The following WFDC11 variants were observed in gnomAD, a reference collection of about 807,000 sequenced individuals.
The protein encoded by WFDC11 is protein WFDC11.
In WFDC11, 9 loss-of-function variants were observed where a neutral mutation model predicts 9.9. The observed-to-expected ratio is 0.91, with a 90% confidence interval of 0.55 to 1.58. The LOEUF is 1.58. Ranked by LOEUF, WFDC11 falls within the 40% of genes most tolerant of loss-of-function variation. The pLI, the probability that WFDC11 is intolerant of heterozygous loss-of-function variation, is 0.00. For synonymous variants in WFDC11, 32 were observed against 33.3 expected (o/e 0.96, Z 0.13); for missense variants, 106 against 101.7 (o/e 1.04, Z -0.18).
intron 2 of WFDC11, among the ~76,000 whole-genome samples, chr20:45,656,623 G>A (rs13042799): frequency 0.18 from 27,005 of 149,096 alleles, 2,677 homozygotes; most frequent in East Asian, 0.31. Context: ...GCACAGCAAA[G>A]GAAACTACCA....
At chr20:45,665,518 G>C (rs538959701) in intron 2 of WFDC11, among the ~76,000 whole-genome samples, 1 of 152,304 alleles carries the variant, frequency 6.6e-6, no homozygotes, top group South Asian at 2.1e-4. Flanking sequence ...AGAATTTTAA[G>C]CTTTTCTGCT....
At chr20:45,661,328 G>T (rs369133467) in intron 2 of WFDC11, among the ~76,000 whole-genome samples, 47 of 152,194 alleles carry the variant, frequency 3.1e-4, no homozygotes, top group South Asian at 1.5e-3. Flanking sequence ...CCCTTTGTCA[G>T]ATGAGTAGGT....
intron 2 of WFDC11, among the ~76,000 whole-genome samples, chr20:45,655,734 G>A (rs1982915293): frequency 6.6e-6 from 1 of 152,168 alleles, no homozygotes; most frequent in African/African-American, 2.4e-5. Flanking sequence ...CTTCAGCAAA[G>A]TTTCAGAATA....
At chr20:45,648,886 G>A (rs1982740838) in intron 4 of WFDC11, 147 bp from the exon 5 acceptor site, 2 of 908,892 alleles carry the variant, frequency 2.2e-6, no homozygotes, top group Non-Finnish European at 3.4e-6. Context: ...CTTCTGAGTA[G>A]GTGAGGTATT....
rs145944208 is a variant in WFDC11, at chr20:45,662,133, C to T, written c.-52+4955G>A. Among the ~76,000 whole-genome samples the T allele has an allele frequency of 3.6e-3, 546 of 152,204 alleles. 1 individual carries two copies. The highest frequency in any genetic ancestry group is 0.012 in the African/African-American group (507 of 41,498). ...TGGTTCTCCTTGAAGAGGTCCTTCA[C>T]GTCCCTTGTAAGTTGGATACCTAGG... On this transcript the variant is annotated intron_variant, in intron 2 of 4. Coordinates refer to ENST00000324384, the MANE Select transcript of WFDC11 (RefSeq NM_147197.2).
chr20:45,661,899 G>A (rs1267610304), intron 2 of WFDC11, among the ~76,000 whole-genome samples: 11 of 152,012 alleles, frequency 7.2e-5, no homozygotes, highest in Non-Finnish European at 1.3e-4. Flanking sequence ...TTGGTGATGC[G>A]GGCTCTTTTT....
intron 2 of WFDC11, among the ~76,000 whole-genome samples, chr20:45,650,947 T>C (rs186464120): frequency 6.6e-6 from 1 of 152,346 alleles, no homozygotes; most frequent in East Asian, 1.9e-4. Flanking sequence ...TTGGGGTACA[T>C]GTGAAGGTTT....
intron 3 of WFDC11, 102 bp from the exon 4 acceptor site, chr20:45,649,501 C>T: frequency 1.4e-6 from 2 of 1,434,098 alleles, no homozygotes; most frequent in Non-Finnish European, 1.9e-6. Context: ...GAATCTGGGC[C>T]CCAAATTCCA....
At chr20:45,665,416 G>C (rs150301884) in intron 2 of WFDC11, among the ~76,000 whole-genome samples, 1,791 of 152,230 alleles carry the variant, frequency 0.012, 32 homozygotes, top group African/African-American at 0.039. Flanking sequence ...GCCTACTTCT[G>C]TCAACTCATC....
At position 45,649,144 on chromosome 20, in the gene WFDC11, T is replaced by C. The variant is rs1982747134; in HGVS notation, c.243+113A>G. On this transcript the variant is annotated intron_variant, in intron 4 of 4. Transcript: ENST00000324384. ...GTTAAAGGGACATTGTCTTCTGTTATTTTTGTACCTAGAATTTGGGGTACC... is the reference window on the plus strand; with the variant it reads ...GTTAAAGGGACATTGTCTTCTGTTACTTTTGTACCTAGAATTTGGGGTACC... 1.5e-6 allele frequency: 2 copies of C among 1,312,648 alleles called. 1 individual carries two copies. The highest frequency in any genetic ancestry group is 2.8e-5 in the South Asian group (2 of 71,568). The allele number at this position is 1,312,648 out of a possible 1,614,324, so 81.3% of individuals were successfully genotyped here.
chr20:45,649,450 G>A (rs1276344006), intron 3 of WFDC11, 51 bp from the exon 4 acceptor site: 2 of 1,595,800 alleles, frequency 1.3e-6, no homozygotes, highest in Non-Finnish European at 1.7e-6. Context: ...TCAGCCAAGA[G>A]CGGAAAGAAA....
chr20:45,665,634 A>G (rs1489863429), intron 2 of WFDC11, among the ~76,000 whole-genome samples: 1 of 152,100 alleles, frequency 6.6e-6, no homozygotes, highest in Non-Finnish European at 1.5e-5. Context: ...CGTTGATGCT[A>G]TTCCTTTCTG....
intron 2 of WFDC11, among the ~76,000 whole-genome samples, chr20:45,651,405 T>C (rs1292086666): frequency 6.6e-6 from 1 of 152,224 alleles, no homozygotes; most frequent in African/African-American, 2.4e-5. Context: ...TTTGTTTGTT[T>C]TTGTTGTTGC....
At chr20:45,662,239 G>A (rs141209940) in intron 2 of WFDC11, among the ~76,000 whole-genome samples, 3,478 of 152,196 alleles carry the variant, frequency 0.023, 143 homozygotes, top group African/African-American at 0.08. Context: ...TGGTGTATAA[G>A]AATGCTTGTG....
At chr20:45,653,004 C>A (rs1363966001) in intron 2 of WFDC11, among the ~76,000 whole-genome samples, 1 of 152,236 alleles carries the variant, frequency 6.6e-6, no homozygotes, top group Non-Finnish European at 1.5e-5. Flanking sequence ...GTGGAAAACA[C>A]TCTGCAGGAT....
intron 1 of WFDC11, among the ~76,000 whole-genome samples, chr20:45,667,541 C>A (rs2129581): frequency 6.6e-6 from 1 of 152,188 alleles, no homozygotes; most frequent in Non-Finnish European, 1.5e-5. Flanking sequence ...TTCTCCATTG[C>A]TAGCATCAGC....
rs755133140 is a variant in WFDC11 at position 45,650,614 on chromosome 20, T to G, written c.-14A>C. On this transcript the variant is annotated 5_prime_UTR_variant, in exon 3 of 5. Coordinates refer to ENST00000324384, the MANE Select transcript of WFDC11 (RefSeq NM_147197.2). Reference sequence around the variant, plus strand: ...GAGGCTGACCATATGTGTCTGAATATGTGTTGTCAGAAGGATTATTTTTCT... The same window carrying G: ...GAGGCTGACCATATGTGTCTGAATAGGTGTTGTCAGAAGGATTATTTTTCT... 1.2e-6 allele frequency: 2 copies of G among 1,605,268 alleles called. No individual in the cohort carries two copies. The highest frequency in any genetic ancestry group is 8.5e-7 in the Non-Finnish European group (1 of 1,172,042).
At chr20:45,663,521 G>C (rs1228595637) in intron 2 of WFDC11, among the ~76,000 whole-genome samples, 1 of 151,884 alleles carries the variant, frequency 6.6e-6, no homozygotes, top group Non-Finnish European at 1.5e-5. Flanking sequence ...GTGATGTTAG[G>C]GTGTTGATTT....
chr20:45,656,365 G>A (rs1258255383), intron 2 of WFDC11, among the ~76,000 whole-genome samples: 2 of 152,150 alleles, frequency 1.3e-5, no homozygotes, highest in East Asian at 3.8e-4. Flanking sequence ...AATGGTGCTG[G>A]GAAAACTGGC....
Sources: gnomAD v4.1 joint callset for allele counts (sites outside exome capture counted in the v4.1 genomes callset) on GRCh38, gnomAD v4.1.1 for gene constraint, MANE v1.5 for transcripts, NCBI Gene and HGNC (gene_info 2026-07-23, HGNC 2026-07-21) for gene names.